ADAMTS18: variants seen among roughly 807,000 people sequenced by gnomAD.
ADAMTS18 encodes the protein ADAM metallopeptidase with thrombospondin type 1 motif 18.
A neutral mutation model predicts 165.9 loss-of-function variants in ADAMTS18; 157 were observed. The observed-to-expected ratio is 0.95, with a 90% CI of 0.83 to 1.08. The LOEUF is 1.08. Ranked by LOEUF, ADAMTS18 falls within the 50% of genes least tolerant of loss-of-function variation. The pLI is 0.00. For missense variants in ADAMTS18, 2,040 were observed against 1,534.0 expected (o/e 1.33, Z -5.51); for synonymous variants, 782 against 578.2 (o/e 1.35, Z -5.06).
rs1715884724 is a variant in ADAMTS18 at position 77,315,284 on chromosome 16, A to G, written c.2532+4565T>C. On this transcript the variant is annotated intron_variant, in intron 16 of 22. Coordinates refer to ENST00000282849, the MANE Select transcript of ADAMTS18 (RefSeq NM_199355.4). ...AACTGGCACTTAGTGGGTTTCTCTG[A>G]TTGCCTCCACAGAGGGTCTCAAATG... 4.6e-5 allele frequency among the ~76,000 whole-genome samples: 7 copies of G among 152,178 alleles called. 1 individual carries two copies. In the South Asian group the frequency reaches 1.2e-3, roughly 27 times the overall value.
At position 77,296,417 on chromosome 16, in the gene ADAMTS18, A is replaced by G. The variant is rs369658459; in HGVS notation, c.2801+872T>C. ...GTTTCATGGCCCGCATAATATTATGATTTTTAAATTCTTGGACCATTTACA... is the reference window on the plus strand; with the variant it reads ...GTTTCATGGCCCGCATAATATTATGGTTTTTAAATTCTTGGACCATTTACA... On this transcript the variant is annotated intron_variant, in intron 18 of 22. Coordinates refer to ENST00000282849, the MANE Select transcript of ADAMTS18 (RefSeq NM_199355.4). Among the ~76,000 whole-genome samples, 7 of 152,086 alleles carry G rather than the reference A, an allele frequency of 4.6e-5. No homozygotes were observed. The East Asian group carries it at 1.2e-3, about 25-fold the overall frequency.
chr16:77,316,222 C>T (rs1327270681), intron 16 of ADAMTS18, among the ~76,000 whole-genome samples: 1 of 151,752 alleles, frequency 6.6e-6, no homozygotes, highest in Non-Finnish European at 1.5e-5. Context: ...TTACTTCTTG[C>T]CTCTCCAATC....
chr16:77,411,715 C>T (rs1460047006), intron 3 of ADAMTS18, among the ~76,000 whole-genome samples: 1 of 102,608 alleles, frequency 9.7e-6, no homozygotes, highest in Admixed American at 1.5e-4. Context: ...GAGACAGAGT[C>T]TTGCCCTGTC....
At chr16:77,326,906 A>C (rs2056105129) in intron 12 of ADAMTS18, among the ~76,000 whole-genome samples, 2 of 152,062 alleles carry the variant, frequency 1.3e-5, no homozygotes, top group South Asian at 4.1e-4. Flanking sequence ...GTCCATATGT[A>C]CTCAATGTTT....
At chr16:77,427,261 G>A (rs1206255675) in intron 3 of ADAMTS18, among the ~76,000 whole-genome samples, 1 of 152,106 alleles carries the variant, frequency 6.6e-6, no homozygotes, top group Non-Finnish European at 1.5e-5. Context: ...CTGACAAAAA[G>A]GATCACTAAG....
chr16:77,377,936 G>C (rs2056975735), intron 3 of ADAMTS18, among the ~76,000 whole-genome samples: 1 of 152,190 alleles, frequency 6.6e-6, no homozygotes, highest in Non-Finnish European at 1.5e-5. Context: ...GGTGAGGATG[G>C]AGGGAAAGAA....
rs2144542431 is a variant in ADAMTS18, at chr16:77,283,965, C to T, written c.3657G>A (p.Arg1219=). 5 of 1,613,528 alleles carry T rather than the reference C, an allele frequency of 3.1e-6. No homozygotes were observed. The highest frequency in any genetic ancestry group is 2.2e-5 in the East Asian group (1 of 44,848). The change falls in exon 23 of 23, where the codon AGG becomes AGA. Residue 1219 remains arginine, a synonymous_variant. Coordinates refer to ENST00000282849, the MANE Select transcript of ADAMTS18 (RefSeq NM_199355.4). ...YGKQCCKSCT[R]KI ...GGGGAGGACACCAAGATCAGATCTT[C>T]CTTGTGCATGACTTGCAGCATTGTT...
rs375850432 is a variant in ADAMTS18, at chr16:77,424,700, CA to C, written c.495+6594del. Reference sequence around the variant, plus strand: ...GAGGAGAGAAGCCAGAACAAAATAACAAAAAAAAACCTTTTTAACCTTTCTT... The same window carrying C: ...GAGGAGAGAAGCCAGAACAAAATAACAAAAAAAACCTTTTTAACCTTTCTT... On this transcript the variant is annotated intron_variant, in intron 3 of 22. Transcript: ENST00000282849. Among the ~76,000 whole-genome samples the C allele has an allele frequency of 3.5e-3, 533 of 150,970 alleles. 8 individuals are homozygous for C. The East Asian group carries it at 0.043, about 12-fold the overall frequency.
At chr16:77,333,077 T>A (rs2056216317) in intron 12 of ADAMTS18, among the ~76,000 whole-genome samples, 1 of 152,174 alleles carries the variant, frequency 6.6e-6, no homozygotes, top group Non-Finnish European at 1.5e-5. Flanking sequence ...TTTAATTATA[T>A]GACTGTAGAA....
chr16:77,336,932 C>T (rs1324525915), intron 11 of ADAMTS18, among the ~76,000 whole-genome samples: 1 of 152,162 alleles, frequency 6.6e-6, no homozygotes, highest in Non-Finnish European at 1.5e-5. Context: ...CCAGGTTTTG[C>T]TGAGGAATTG....
At chr16:77,359,030 T>G (rs185653555) in intron 8 of ADAMTS18, among the ~76,000 whole-genome samples, 1 of 146,796 alleles carries the variant, frequency 6.8e-6, no homozygotes, top group African/African-American at 2.8e-5. Context: ...TAGAAGTGTC[T>G]TCATTGCTGC....
intron 3 of ADAMTS18, among the ~76,000 whole-genome samples, chr16:77,389,156 C>T (rs1314283656): frequency 2.0e-5 from 3 of 152,044 alleles, no homozygotes; most frequent in South Asian, 2.1e-4. Flanking sequence ...AAAAAATTAG[C>T]GAGGCATGGT....
intron 22 of ADAMTS18, among the ~76,000 whole-genome samples, chr16:77,284,883 T>C (rs2055218152): frequency 6.6e-6 from 1 of 152,074 alleles, no homozygotes; most frequent in East Asian, 1.9e-4. Context: ...AAGCCTGATG[T>C]ATTGGGAGTC....
intron 3 of ADAMTS18, among the ~76,000 whole-genome samples, chr16:77,385,793 G>A (rs992049639): frequency 7.2e-5 from 11 of 152,136 alleles, no homozygotes; most frequent in Admixed American, 5.9e-4. Flanking sequence ...CCACCATGTT[G>A]GAAACAGCTG....
Position 77,283,528 on chromosome 16 carries a change from G to A in ADAMTS18, c.*428C>T, listed in dbSNP as rs2055188716. 1.0e-5 allele frequency: 2 copies of A among 199,920 alleles called. No homozygotes were observed. The highest frequency in any genetic ancestry group is 1.8e-4 in the South Asian group (2 of 11,268). 12.4% of individuals were successfully genotyped at this position (199,920 alleles called of 1,614,324 possible). ...ACTGTGAACTCCACGCAACAGTTAGGCAAGGTATTCCATCCAGATTTGAAA... is the reference window on the plus strand; with the variant it reads ...ACTGTGAACTCCACGCAACAGTTAGACAAGGTATTCCATCCAGATTTGAAA... On this transcript the variant is annotated 3_prime_UTR_variant, in exon 23 of 23. Transcript: ENST00000282849.
intron 17 of ADAMTS18, among the ~76,000 whole-genome samples, chr16:77,299,745 G>A (rs1249500680): frequency 1.3e-5 from 2 of 152,104 alleles, no homozygotes; most frequent in African/African-American, 2.4e-5. Context: ...TCCTTGCAAG[G>A]GTTGTCTCAG....
chr16:77,293,898 G>C (rs74412118), intron 19 of ADAMTS18, among the ~76,000 whole-genome samples: 2,501 of 151,762 alleles, frequency 0.016, 65 homozygotes, highest in African/African-American at 0.058. Flanking sequence ...GGGCAGCCCA[G>C]TTCCTTACAG....
chr16:77,362,268 T>C lies in ADAMTS18; in HGVS notation c.1057-4A>G. ...GATGGTTGATCAATAATCCTCCCTA[T>C]GGGAAACCCACACAAATCAAAGTGT... is the stretch of plus-strand genomic sequence containing the variant. On this transcript the variant is annotated splice_polypyrimidine_tract_variant and splice_region_variant and intron_variant, in intron 6 of 22. Transcript: ENST00000282849. The C allele has an allele frequency of 1.2e-6, 2 of 1,614,074 alleles. No individual in the cohort carries two copies. Among genetic ancestry groups the C allele is most frequent in the Middle Eastern group, 1.6e-4 (1 of 6,062 alleles).
chr16:77,360,565 T>C (rs1204352528), intron 7 of ADAMTS18, among the ~76,000 whole-genome samples: 4 of 123,736 alleles, frequency 3.2e-5, no homozygotes, highest in African/African-American at 5.9e-5. Flanking sequence ...TGTCTGCTTC[T>C]CAGAATCTCT....
Sources: allele counts gnomAD v4.1 joint callset (sites outside exome capture counted in the v4.1 genomes callset), GRCh38; gene constraint gnomAD v4.1.1; transcripts MANE v1.5; gene names NCBI Gene and HGNC (gene_info 2026-07-23, HGNC 2026-07-21).